Variants in MIR2052HG observed in about 807,000 individuals in gnomAD.
The protein encoded by MIR2052HG is MIR2052 host gene.
intron 2 of MIR2052HG, among the ~76,000 whole-genome samples, chr8:74,646,650 A>G (rs1808692125): frequency 6.6e-6 from 1 of 152,326 alleles, no homozygotes; most frequent in East Asian, 1.9e-4. Context: ...AGCCCCAGGC[A>G]AAGTGGCTAA....
chr8:74,662,562 G>T (rs1231178286), intron 2 of MIR2052HG, among the ~76,000 whole-genome samples: 1 of 152,036 alleles, frequency 6.6e-6, no homozygotes, highest in Non-Finnish European at 1.5e-5. Flanking sequence ...TTCTGCATAT[G>T]TATCCCAGAA....
intron 2 of MIR2052HG, among the ~76,000 whole-genome samples, chr8:74,699,835 G>A (rs2651674): frequency 0.67 from 101,311 of 151,976 alleles, 35,740 homozygotes; most frequent in African/African-American, 0.91. Context: ...GTAAAATGCC[G>A]TGTAAGTCTT....
At chr8:74,602,876 T>TCTTTCTTTCCTTTC (rs1554570015) in intron 1 of MIR2052HG, among the ~76,000 whole-genome samples, 3 of 137,182 alleles carry the variant, frequency 2.2e-5, no homozygotes, top group East Asian at 4.4e-4. Context: ...TTTCTTTCTT[T>TCTTTCTTTCCTTTC]TTTCTATTCA....
intron 2 of MIR2052HG, among the ~76,000 whole-genome samples, chr8:74,657,254 A>C (rs1808816613): frequency 6.6e-6 from 1 of 152,204 alleles, no homozygotes; most frequent in South Asian, 2.1e-4. Context: ...CCAGCTTCCC[A>C]CTGCAGCAGC....
At chr8:74,681,034 A>G (rs2128739048) in intron 2 of MIR2052HG, among the ~76,000 whole-genome samples, 1 of 127,364 alleles carries the variant, frequency 7.9e-6, no homozygotes, top group East Asian at 2.4e-4. Flanking sequence ...GGACACAGGA[A>G]GGGGAACATC....
chr8:74,694,673 C>A (rs574402890), intron 2 of MIR2052HG, among the ~76,000 whole-genome samples: 1 of 152,074 alleles, frequency 6.6e-6, no homozygotes, highest in African/African-American at 2.4e-5. Context: ...AAATGAAGGA[C>A]ACACTTAGAG....
chr8:74,600,514 G>T (rs138611347), intron 1 of MIR2052HG, among the ~76,000 whole-genome samples: 1 of 150,782 alleles, frequency 6.6e-6, no homozygotes, highest in Non-Finnish European at 1.5e-5. Flanking sequence ...CCGGGGAGGC[G>T]GAGGTTGTGG....
intron 2 of MIR2052HG, among the ~76,000 whole-genome samples, chr8:74,619,864 A>G (rs879542108): frequency 9.2e-5 from 14 of 152,310 alleles, no homozygotes; most frequent in Admixed American, 6.5e-4. Flanking sequence ...ATGCCTTCCA[A>G]CAGTTGCCCA....
chr8:74,614,307 CT>C (rs1437755519), intron 2 of MIR2052HG, among the ~76,000 whole-genome samples: 1 of 152,110 alleles, frequency 6.6e-6, no homozygotes, highest in Non-Finnish European at 1.5e-5. Flanking sequence ...AATATTTCCT[CT>C]ATTTATTTTG....
chr8:74,705,701 A>G (rs1809403434), intron 4 of MIR2052HG: 1 of 170,234 alleles, frequency 5.9e-6, no homozygotes, highest in Non-Finnish European at 1.5e-5. Flanking sequence ...TGCTGTTTTG[A>G]TAACAGTAAT....
chr8:74,713,541 A>ATCTC (rs1199703996), intron 4 of MIR2052HG, among the ~76,000 whole-genome samples: 38 of 151,022 alleles, frequency 2.5e-4, no homozygotes, highest in African/African-American at 9.0e-4. Flanking sequence ...TGATTCCTTA[A>ATCTC]TTTTTTACTT....
chr8:74,663,137 T>C (rs553194696), intron 2 of MIR2052HG, among the ~76,000 whole-genome samples: 1 of 152,244 alleles, frequency 6.6e-6, no homozygotes, highest in Admixed American at 6.5e-5. Flanking sequence ...ATAAAGAGTA[T>C]TGGTAATATG....
chr8:74,677,664 C>G (rs1011152461), intron 2 of MIR2052HG, among the ~76,000 whole-genome samples: 6 of 151,986 alleles, frequency 3.9e-5, no homozygotes, highest in Non-Finnish European at 8.8e-5. Context: ...TACCATATAT[C>G]AAGACTTATA....
chr8:74,601,694 C>A (rs1808003401), intron 1 of MIR2052HG, among the ~76,000 whole-genome samples: 1 of 152,150 alleles, frequency 6.6e-6, no homozygotes, highest in Non-Finnish European at 1.5e-5. Context: ...CTCAGTATTA[C>A]TATTTTTTGT....
chr8:74,671,692 C>T (rs1229486377), intron 2 of MIR2052HG, among the ~76,000 whole-genome samples: 1 of 152,092 alleles, frequency 6.6e-6, no homozygotes, highest in East Asian at 1.9e-4. Context: ...AAGTAGTGTG[C>T]TTTGTGGTGG....
rs74418020 is a variant in MIR2052HG, at chr8:74,684,395, C to T, written n.217-17984C>T. Among the ~76,000 whole-genome samples, 687 of 152,146 alleles carry T rather than the reference C, an allele frequency of 4.5e-3. 10 individuals carry two copies. Among genetic ancestry groups the T allele is most frequent in the Non-Finnish European group, 2.8e-3 (192 of 67,982 alleles). ...CCTTTACTTTAGTCATATCTACTAA[C>T]GTTCCGTTCGCTAAATCAAGTCATA... is the stretch of plus-strand genomic sequence containing the variant. On this transcript the variant is annotated intron_variant and non_coding_transcript_variant, in intron 2 of 6. Transcript: ENST00000523442.
intron 2 of MIR2052HG, among the ~76,000 whole-genome samples, chr8:74,678,563 CAAAAAAAAAAAAAAA>C (rs763073114): frequency 1.9e-5 from 1 of 53,522 alleles, no homozygotes; most frequent in Non-Finnish European, 3.5e-5. Context: ...GAGTTTGTCT[CAAAAAAAAAAAAAAA>C]AAAAAAAAAA....
At chr8:74,728,025 C>G (rs538673714) in intron 4 of MIR2052HG, among the ~76,000 whole-genome samples, 3 of 152,304 alleles carry the variant, frequency 2.0e-5, no homozygotes, top group East Asian at 1.9e-4. Context: ...TACATACTCT[C>G]AATTACAGTA....
chr8:74,692,786 G>T (rs1265790543), intron 2 of MIR2052HG, among the ~76,000 whole-genome samples: 1 of 152,222 alleles, frequency 6.6e-6, no homozygotes, highest in Non-Finnish European at 1.5e-5. Flanking sequence ...AACTGATTTT[G>T]TAAGATGCTT....
Sources: allele counts gnomAD v4.1 joint callset (sites outside exome capture counted in the v4.1 genomes callset), GRCh38; gene constraint gnomAD v4.1.1; transcripts MANE v1.5; gene names NCBI Gene and HGNC (gene_info 2026-07-23, HGNC 2026-07-21).